Variants in ARHGAP6 observed in about 807,000 individuals in gnomAD.
ARHGAP6 encodes the protein rho GTPase-activating protein 6.
ARHGAP6 carries 16 observed loss-of-function variants against 55.7 expected under a neutral mutation model. The observed-to-expected ratio is 0.29, with a 90% confidence interval of 0.19 to 0.44. The LOEUF is 0.44. Among genes scored for constraint, ARHGAP6 ranks in the 20% least tolerant of loss-of-function variants. The pLI, the probability that ARHGAP6 is intolerant of heterozygous loss-of-function variation, is 1.00. For synonymous variants in ARHGAP6, 382 were observed against 360.9 expected (o/e 1.06, Z -0.66); for missense variants, 698 against 808.9 (o/e 0.86, Z 1.66).
intron 1 of ARHGAP6, among the ~76,000 whole-genome samples, chrX:11,640,943 G>C (rs1432065834): frequency 9.0e-6 from 1 of 111,359 alleles, no homozygotes; most frequent in Non-Finnish European, 1.9e-5. Context: ...TACCTACCTA[G>C]AATGGTAAGC....
intron 1 of ARHGAP6, among the ~76,000 whole-genome samples, chrX:11,542,707 G>A (rs1169579479): frequency 9.0e-6 from 1 of 111,209 alleles, no homozygotes; most frequent in African/African-American, 3.3e-5. Context: ...CATGATGGAA[G>A]GGCGTAAGTG....
At chrX:11,533,797 G>A (rs2051076023) in intron 1 of ARHGAP6, among the ~76,000 whole-genome samples, 1 of 112,203 alleles carries the variant, frequency 8.9e-6, no homozygotes, top group South Asian at 3.7e-4. Flanking sequence ...AGTAGTGACA[G>A]CCATTAACAT....
Position 11,156,522 on chromosome X carries a change from T to C in ARHGAP6, c.1907+7A>G, listed in dbSNP as rs778423339. Reference sequence around the variant, plus strand: ...GGCTTTAGAAGATGGAACACTGGAATACTCACGATGATTGGGAAGCCTTTC... The same window carrying C: ...GGCTTTAGAAGATGGAACACTGGAACACTCACGATGATTGGGAAGCCTTTC... On this transcript the variant is annotated splice_region_variant and intron_variant, in intron 10 of 12. Transcript: ENST00000337414. 8.4e-7 allele frequency: 1 copy of C among 1,190,418 alleles called. No homozygotes were observed. The highest frequency in any genetic ancestry group is 1.1e-6 in the Non-Finnish European group (1 of 877,212).
At chrX:11,174,573 C>CCTTCCTTCCTTCCTTCCTTCCTTT (rs1491543420) in intron 8 of ARHGAP6, among the ~76,000 whole-genome samples, 19 of 42,282 alleles carry the variant, frequency 4.5e-4, no homozygotes, top group East Asian at 7.7e-4. Context: ...TTCCTTCCTT[C>CCTTCCTTCCTTCCTTCCTTCCTTT]CTTTCTTTCT....
chrX:11,523,870 T>C (rs951909946), intron 1 of ARHGAP6, among the ~76,000 whole-genome samples: 1 of 111,258 alleles, frequency 9.0e-6, no homozygotes, highest in African/African-American at 3.3e-5. Context: ...GGCGGTATAA[T>C]GGGTAGAACT....
At chrX:11,196,483 A>T (rs1010018165) in intron 3 of ARHGAP6, among the ~76,000 whole-genome samples, 1 of 111,394 alleles carries the variant, frequency 9.0e-6, no homozygotes, top group Admixed American at 9.6e-5. Flanking sequence ...GAAAAAAAAA[A>T]TGCTGAGAAT....
At chrX:11,164,910 A>ACTT (rs779159212) in intron 9 of ARHGAP6, among the ~76,000 whole-genome samples, 1 of 112,733 alleles carries the variant, frequency 8.9e-6, no homozygotes, top group East Asian at 2.8e-4. Context: ...AGAAGTAACA[A>ACTT]CTTTCAGAAC....
At chrX:11,196,457 T>A (rs1204066209) in intron 3 of ARHGAP6, among the ~76,000 whole-genome samples, 1 of 110,587 alleles carries the variant, frequency 9.0e-6, no homozygotes, top group African/African-American at 3.3e-5. Flanking sequence ...TGCAAATAAA[T>A]ATTTTTCAAC....
intron 2 of ARHGAP6, among the ~76,000 whole-genome samples, chrX:11,225,392 G>C (rs1234834579): frequency 1.8e-5 from 2 of 110,612 alleles, no homozygotes; most frequent in Admixed American, 9.7e-5. Context: ...TTGTAGGAAG[G>C]GTCATCAAAT....
intron 6 of ARHGAP6, among the ~76,000 whole-genome samples, chrX:11,180,555 G>A (rs2046301270): frequency 9.0e-6 from 1 of 111,404 alleles, no homozygotes; most frequent in Non-Finnish European, 1.9e-5. Flanking sequence ...GTGCTAAGGG[G>A]TTATATAACA....
intron 2 of ARHGAP6, among the ~76,000 whole-genome samples, chrX:11,254,299 T>C (rs1409082375): frequency 1.8e-5 from 2 of 112,189 alleles, no homozygotes; most frequent in Non-Finnish European, 3.8e-5. Flanking sequence ...AGACTGTTGA[T>C]ATACACACAG....
At chrX:11,392,634 T>A (rs187595160) in intron 1 of ARHGAP6, among the ~76,000 whole-genome samples, 97 of 111,914 alleles carry the variant, frequency 8.7e-4, no homozygotes, top group African/African-American at 2.9e-3. Flanking sequence ...TTGATGCCTA[T>A]GAAAAACTCA....
chrX:11,590,985 T>C (rs935009145), intron 1 of ARHGAP6, among the ~76,000 whole-genome samples: 27 of 108,070 alleles, frequency 2.5e-4, no homozygotes, highest in African/African-American at 9.1e-4. Context: ...GCTCAGTGGC[T>C]CACGCCTGTA....
chrX:11,350,367 GA>G (rs918365900), intron 1 of ARHGAP6, among the ~76,000 whole-genome samples: 3 of 111,900 alleles, frequency 2.7e-5, no homozygotes, highest in East Asian at 2.8e-4. Flanking sequence ...AAAATATTCG[GA>G]AAAAAAGTTT....
At chrX:11,575,491 C>A (rs73184377) in intron 1 of ARHGAP6, among the ~76,000 whole-genome samples, 1 of 111,295 alleles carries the variant, frequency 9.0e-6, no homozygotes, top group Non-Finnish European at 1.9e-5. Flanking sequence ...AGGTAACAGA[C>A]AAAGAGGAAC....
At chrX:11,361,728 T>C (rs1229443319) in intron 1 of ARHGAP6, among the ~76,000 whole-genome samples, 4 of 111,011 alleles carry the variant, frequency 3.6e-5, no homozygotes, top group African/African-American at 1.3e-4. Context: ...ACCTACAAAA[T>C]AGGAGAAAAT....
intron 1 of ARHGAP6, among the ~76,000 whole-genome samples, chrX:11,656,104 A>T (rs1275929604): frequency 8.9e-6 from 1 of 112,351 alleles, no homozygotes; most frequent in African/African-American, 3.2e-5. Context: ...GAGGAAACAA[A>T]ATCTATGTGG....
At chrX:11,390,805 C>T (rs1431002640) in intron 1 of ARHGAP6, among the ~76,000 whole-genome samples, 1 of 111,981 alleles carries the variant, frequency 8.9e-6, no homozygotes, top group Non-Finnish European at 1.9e-5. Context: ...ATTCAAATGT[C>T]AGGAAACAAC....
chrX:11,506,465 C>T (rs1354609278), intron 1 of ARHGAP6, among the ~76,000 whole-genome samples: 2 of 110,051 alleles, frequency 1.8e-5, no homozygotes, highest in African/African-American at 6.6e-5. Context: ...TGTTCAACTC[C>T]CACTTATGAG....
Sources: allele counts gnomAD v4.1 joint callset (sites outside exome capture counted in the v4.1 genomes callset), GRCh38; gene constraint gnomAD v4.1.1; transcripts MANE v1.5; gene names NCBI Gene and HGNC (gene_info 2026-07-23, HGNC 2026-07-21).